Variants in ZSWIM5 observed in about 807,000 individuals in gnomAD.
ZSWIM5 encodes zinc finger SWIM-type containing 5.
In ZSWIM5, 55 loss-of-function variants were observed where a neutral mutation model predicts 119.6. The observed-to-expected ratio is 0.46, with a 90% CI of 0.37 to 0.58. ZSWIM5 has a LOEUF of 0.58. Ranked by LOEUF, ZSWIM5 falls within the 20% of genes least tolerant of loss-of-function variation. The pLI is 0.00. For missense variants in ZSWIM5, 1,193 were observed against 1,512.8 expected (o/e 0.79, Z 3.51); for synonymous variants, 537 against 606.9 (o/e 0.88, Z 1.69).
At chr1:45,024,314 C>G (rs1383273497) in intron 11 of ZSWIM5, among the ~76,000 whole-genome samples, 1 of 151,000 alleles carries the variant, frequency 6.6e-6, no homozygotes, top group African/African-American at 2.4e-5. Flanking sequence ...GCCTCAGTCT[C>G]CCGAGTAGCT....
chr1:45,168,323 G>A (rs545856238), intron 1 of ZSWIM5, among the ~76,000 whole-genome samples: 6 of 151,906 alleles, frequency 3.9e-5, no homozygotes, highest in Admixed American at 6.6e-5. Flanking sequence ...AGGGCCTGTC[G>A]TGGGCTGGGG....
intron 6 of ZSWIM5, among the ~76,000 whole-genome samples, chr1:45,041,599 T>C (rs1469714609): frequency 6.6e-6 from 1 of 151,756 alleles, no homozygotes; most frequent in Admixed American, 6.6e-5. Context: ...TACAGTGGTG[T>C]GATCTCCGCT....
At chr1:45,080,650 T>C (rs1645284653) in intron 2 of ZSWIM5, among the ~76,000 whole-genome samples, 1 of 151,936 alleles carries the variant, frequency 6.6e-6, no homozygotes, top group African/African-American at 2.4e-5. Flanking sequence ...TGTAGATGGT[T>C]CTTAGATTGG....
intron 1 of ZSWIM5, among the ~76,000 whole-genome samples, chr1:45,097,729 T>TCTCA (rs1645411866): frequency 6.6e-6 from 1 of 152,090 alleles, no homozygotes; most frequent in African/African-American, 2.4e-5. Context: ...TGAGACAAGG[T>TCTCA]CTCACTCTGT....
intron 1 of ZSWIM5, among the ~76,000 whole-genome samples, chr1:45,128,702 A>G (rs1401121012): frequency 2.0e-5 from 3 of 152,196 alleles, no homozygotes; most frequent in African/African-American, 7.2e-5. Context: ...ATAAATGCAT[A>G]ATGCCATGTA....
chr1:45,140,693 T>C (rs1426050853), intron 1 of ZSWIM5, among the ~76,000 whole-genome samples: 1 of 152,104 alleles, frequency 6.6e-6, no homozygotes, highest in African/African-American at 2.4e-5. Flanking sequence ...CCACTTAAAA[T>C]ATAAAGACAT....
chr1:45,198,830 C>G (rs1247546858), intron 1 of ZSWIM5, among the ~76,000 whole-genome samples: 4 of 152,184 alleles, frequency 2.6e-5, no homozygotes, highest in Non-Finnish European at 5.9e-5. Flanking sequence ...TGTATCATTG[C>G]TTACAAAAGT....
intron 1 of ZSWIM5, among the ~76,000 whole-genome samples, chr1:45,195,907 A>G (rs1251743438): frequency 6.7e-6 from 1 of 149,132 alleles, no homozygotes; most frequent in Non-Finnish European, 1.5e-5. Flanking sequence ...TCGCTCTGTC[A>G]CCTACGCTGG....
intron 2 of ZSWIM5, among the ~76,000 whole-genome samples, chr1:45,078,309 T>C (rs1476632080): frequency 1.3e-5 from 2 of 152,234 alleles, no homozygotes; most frequent in Non-Finnish European, 1.5e-5. Flanking sequence ...CCGCAACACC[T>C]GTCCTTCTTG....
intron 1 of ZSWIM5, among the ~76,000 whole-genome samples, chr1:45,200,701 C>T (rs977806943): frequency 6.6e-6 from 1 of 152,042 alleles, no homozygotes; most frequent in Non-Finnish European, 1.5e-5. Context: ...AAAAATATTC[C>T]ACATGTATTA....
intron 10 of ZSWIM5, among the ~76,000 whole-genome samples, chr1:45,034,895 C>T (rs1434608219): frequency 6.6e-6 from 1 of 152,146 alleles, no homozygotes; most frequent in Non-Finnish European, 1.5e-5. Flanking sequence ...GATCCTCCCA[C>T]CTCAGTCTCT....
rs138566480 is a variant in ZSWIM5 at position 45,120,205 on chromosome 1, G to A, written c.596-31968C>T. Among the ~76,000 whole-genome samples the A allele has an allele frequency of 6.8e-3, 1,036 of 152,270 alleles. 20 individuals are homozygous for A. The highest frequency in any genetic ancestry group is 0.024 in the African/African-American group (1,002 of 41,550). ...CTAAAACTACAAAAATTAACTGGGCGTGGTGGCACATGCTTGTAGTCTCAG... is the reference window on the plus strand; with the variant it reads ...CTAAAACTACAAAAATTAACTGGGCATGGTGGCACATGCTTGTAGTCTCAG... On this transcript the variant is annotated intron_variant, in intron 1 of 13. Transcript: ENST00000359600.
intron 1 of ZSWIM5, among the ~76,000 whole-genome samples, chr1:45,161,421 T>C (rs1046075791): frequency 2.6e-5 from 4 of 152,194 alleles, no homozygotes; most frequent in African/African-American, 9.7e-5. Context: ...GCATCTGTTA[T>C]TTTTTGTATT....
chr1:45,064,999 G>C (rs1441127344), intron 2 of ZSWIM5, among the ~76,000 whole-genome samples: 1 of 152,202 alleles, frequency 6.6e-6, no homozygotes, highest in Admixed American at 6.5e-5. Flanking sequence ...TTCTGCTACA[G>C]AGAATATGGA....
intron 1 of ZSWIM5, among the ~76,000 whole-genome samples, chr1:45,089,002 G>T (rs898011872): frequency 2.0e-5 from 3 of 152,066 alleles, no homozygotes; most frequent in Non-Finnish European, 1.5e-5. Flanking sequence ...CTCTGCCACC[G>T]AGGCTGGAGT....
At chr1:45,091,355 A>G (rs1645363341) in intron 1 of ZSWIM5, among the ~76,000 whole-genome samples, 2 of 152,122 alleles carry the variant, frequency 1.3e-5, no homozygotes, top group African/African-American at 4.8e-5. Context: ...CAATGTGGAA[A>G]AGCCTAGTTA....
In ZSWIM5 at chr1:45,016,948, C is replaced by T. The variant is rs1040154139; in HGVS notation, c.*1506G>A. ...AGGCTAAGTGCAGACCAGCCCTAGC[C>T]TCCAAGTCAGCGAGCAATGAGACTG... On this transcript the variant is annotated 3_prime_UTR_variant, in exon 14 of 14. Transcript: ENST00000359600. The T allele has an allele frequency of 6.6e-6, 1 of 152,340 alleles. No homozygotes were observed. Among genetic ancestry groups the T allele is most frequent in the African/African-American group, 2.4e-5 (1 of 41,434 alleles). 9.4% of individuals were successfully genotyped at this position (152,340 alleles called of 1,614,324 possible). A position where few individuals can be genotyped will look rare whatever the true frequency, so the allele number is the denominator to read the frequency against.
In ZSWIM5 at chr1:45,061,738, GTT is replaced by G. The variant is rs113825465; in HGVS notation, c.953-1493_953-1492del. On this transcript the variant is annotated intron_variant, in intron 2 of 13. Transcript: ENST00000359600. ...AATTAACATACCCATCACCTCACCA[GTT>G]TTTTTTTTTTTTTTGATGTGGTAAG... is the stretch of plus-strand genomic sequence containing the variant. Among the ~76,000 whole-genome samples, 351 of 142,542 alleles carry G rather than the reference GTT, an allele frequency of 2.5e-3. 1 individual carries two copies. The highest frequency in any genetic ancestry group is 7.3e-3 in the Middle Eastern group (2 of 274). The allele number at this position is 142,542 out of a possible 152,430, so 93.5% of individuals were successfully genotyped here.
At chr1:45,168,636 G>C (rs1161261246) in intron 1 of ZSWIM5, among the ~76,000 whole-genome samples, 2 of 136,314 alleles carry the variant, frequency 1.5e-5, no homozygotes, top group Non-Finnish European at 3.0e-5. Context: ...CTGCACTCCA[G>C]CCTGGGCGAC....
Sources: gnomAD v4.1 joint callset for allele counts (sites outside exome capture counted in the v4.1 genomes callset) on GRCh38, gnomAD v4.1.1 for gene constraint, MANE v1.5 for transcripts, NCBI Gene and HGNC (gene_info 2026-07-23, HGNC 2026-07-21) for gene names.